The following VPS13B variants were observed in gnomAD, a reference collection of about 807,000 sequenced individuals.
The protein encoded by VPS13B is intermembrane lipid transfer protein VPS13B.
VPS13B carries 285 observed loss-of-function variants against 426.4 expected under a neutral mutation model. The ratio of observed to expected loss-of-function variants is 0.67; its 90% CI spans 0.61 to 0.74. The LOEUF is 0.74. Among genes scored for constraint, VPS13B ranks in the 30% least tolerant of loss-of-function variants. VPS13B has a pLI of 0.00. For synonymous variants in VPS13B, 1,676 were observed against 1,676.4 expected, an observed-to-expected ratio of 1.00 and a Z score of 0.01; for missense variants, 4,537 against 4,782.6, an observed-to-expected ratio of 0.95 and a Z score of 1.51.
rs535857365 is a variant in VPS13B at position 99,371,383 on chromosome 8, A to G, written c.2825-12825A>G. On this transcript the variant is annotated intron_variant, in intron 19 of 61. Transcript: ENST00000357162. ...CTTGTTTTTGTTGGGTTTGTTGAAG[A>G]TCAGATGGTTGTACATGTGTGGTGC... Among the ~76,000 whole-genome samples the G allele has an allele frequency of 2.6e-5, 4 of 152,300 alleles. No individual in the cohort carries two copies. The East Asian group carries it at 7.7e-4, about 29-fold the overall frequency.
intron 19 of VPS13B, among the ~76,000 whole-genome samples, chr8:99,352,043 C>A (rs1811922359): frequency 6.6e-6 from 1 of 152,120 alleles, no homozygotes; most frequent in Non-Finnish European, 1.5e-5. Flanking sequence ...TGTTAACCTC[C>A]TTTAGAATAA....
At chr8:99,495,330 TGA>T (rs1047080705) in intron 25 of VPS13B, among the ~76,000 whole-genome samples, 1 of 152,244 alleles carries the variant, frequency 6.6e-6, no homozygotes, top group Non-Finnish European at 1.5e-5. Context: ...ATTTACAATA[TGA>T]GTTTGTATTT....
At chr8:99,379,053 A>G (rs77179244) in intron 19 of VPS13B, among the ~76,000 whole-genome samples, 4,891 of 152,308 alleles carry the variant, frequency 0.032, 105 homozygotes, top group Middle Eastern at 0.068. Flanking sequence ...CTGTCAGATC[A>G]TTGGCAGCAT....
At chr8:99,159,311 A>G (rs553481968) in intron 15 of VPS13B, among the ~76,000 whole-genome samples, 1 of 152,352 alleles carries the variant, frequency 6.6e-6, no homozygotes, top group Non-Finnish European at 1.5e-5. Flanking sequence ...TGCTGGGAAC[A>G]TTGTTAAATG....
intron 33 of VPS13B, among the ~76,000 whole-genome samples, chr8:99,598,024 G>T (rs935704688): frequency 1.3e-5 from 2 of 152,008 alleles, no homozygotes; most frequent in African/African-American, 2.4e-5. Flanking sequence ...CAAAAGAATT[G>T]GAAGAAATTG....
At chr8:99,577,670 T>G in intron 33 of VPS13B, 37 bp downstream of exon 33, 1 of 1,610,988 alleles carries the variant, frequency 6.2e-7, no homozygotes, top group South Asian at 1.1e-5. Flanking sequence ...CTTACTGCAT[T>G]TGTTCCAACT....
intron 19 of VPS13B, chr8:99,346,239 C>G (rs564658064): frequency 6.6e-6 from 1 of 152,276 alleles, no homozygotes; most frequent in South Asian, 2.1e-4. Flanking sequence ...TGAGATTACA[C>G]GCAGGGTAGA....
intron 14 of VPS13B, among the ~76,000 whole-genome samples, chr8:99,149,892 C>G (rs1588089596): frequency 6.6e-6 from 1 of 152,096 alleles, no homozygotes; most frequent in Non-Finnish European, 1.5e-5. Context: ...AATCTAATAC[C>G]TAATGACCTG....
At chr8:99,811,661 C>T (rs1813707831) in intron 44 of VPS13B, among the ~76,000 whole-genome samples, 1 of 152,164 alleles carries the variant, frequency 6.6e-6, no homozygotes, top group Admixed American at 6.5e-5. Context: ...GGCAGGGTCC[C>T]TCCATAGAGA....
At position 99,575,516 on chromosome 8, in the gene VPS13B, T is replaced by C. The variant is rs1825734466; in HGVS notation, c.4950-142T>C. On this transcript the variant is annotated intron_variant, in intron 31 of 61. Transcript: ENST00000357162. ...GGAATTGAAGTTAAGAAACGATGACTGTAAAATATGCAAATAGGCACTCTC... is the reference window on the plus strand; with the variant it reads ...GGAATTGAAGTTAAGAAACGATGACCGTAAAATATGCAAATAGGCACTCTC... 3 of 971,402 alleles carry C rather than the reference T, an allele frequency of 3.1e-6. No homozygotes were observed. In the South Asian group the frequency reaches 4.6e-5, roughly 15 times the overall value. The allele number at this position is 971,402 out of a possible 1,614,324, so 60.2% of individuals were successfully genotyped here. A position where few individuals can be genotyped will look rare whatever the true frequency, so the allele number is the denominator to read the frequency against.
At chr8:99,635,808 A>G (rs1481389223) in intron 33 of VPS13B, among the ~76,000 whole-genome samples, 1 of 151,996 alleles carries the variant, frequency 6.6e-6, no homozygotes, top group Non-Finnish European at 1.5e-5. Context: ...TAATTAATAT[A>G]ACCCAAAATT....
chr8:99,722,860 A>C (rs1034144311), intron 39 of VPS13B, among the ~76,000 whole-genome samples: 12 of 152,238 alleles, frequency 7.9e-5, no homozygotes, highest in African/African-American at 2.7e-4. Flanking sequence ...GTAGATTTTC[A>C]ATCAACATGA....
At chr8:99,730,804 C>T (rs1285704863) in intron 39 of VPS13B, among the ~76,000 whole-genome samples, 2 of 151,600 alleles carry the variant, frequency 1.3e-5, no homozygotes, top group South Asian at 2.1e-4. Flanking sequence ...GGTACAGGTA[C>T]CTCCTGAAGG....
intron 17 of VPS13B, among the ~76,000 whole-genome samples, chr8:99,273,482 A>G (rs1255244840): frequency 1.3e-5 from 2 of 151,650 alleles, no homozygotes; most frequent in Non-Finnish European, 2.9e-5. Flanking sequence ...GGGTAGTTTT[A>G]TGTTTAAATG....
At chr8:99,058,764 T>C (rs141675374) in intron 3 of VPS13B, among the ~76,000 whole-genome samples, 50 of 152,254 alleles carry the variant, frequency 3.3e-4, no homozygotes, top group Middle Eastern at 3.4e-3. Context: ...GTCTGTGGCA[T>C]TGGAGAGGTG....
intron 35 of VPS13B, among the ~76,000 whole-genome samples, chr8:99,683,970 G>T (rs1217813593): frequency 6.6e-6 from 1 of 152,124 alleles, no homozygotes; most frequent in Non-Finnish European, 1.5e-5. Flanking sequence ...TTAGCTGTAG[G>T]CTTTTCATAT....
chr8:99,102,839 A>G, intron 4 of VPS13B, 114 bp from the exon 5 acceptor site: 1 of 1,085,290 alleles, frequency 9.2e-7, no homozygotes, highest in Non-Finnish European at 1.4e-6. Context: ...TCTCTTTGGG[A>G]AATATGCTAA....
chr8:99,640,078 AAAG>A (rs1563839041), intron 33 of VPS13B, among the ~76,000 whole-genome samples: 7 of 148,984 alleles, frequency 4.7e-5, no homozygotes, highest in African/African-American at 1.7e-4. Flanking sequence ...AAAGAAAAGA[AAAG>A]AAAAGAAAAG....
chr8:99,237,344 C>T (rs1341752371), intron 17 of VPS13B, among the ~76,000 whole-genome samples: 1 of 152,126 alleles, frequency 6.6e-6, no homozygotes, highest in South Asian at 2.1e-4. Context: ...GCAAAAACTA[C>T]TATAAAAATA....
Sources: gnomAD v4.1 joint callset for allele counts (sites outside exome capture counted in the v4.1 genomes callset) on GRCh38, gnomAD v4.1.1 for gene constraint, MANE v1.5 for transcripts, NCBI Gene and HGNC (gene_info 2026-07-23, HGNC 2026-07-21) for gene names.